NLK: variants seen among roughly 807,000 people sequenced by gnomAD.
The protein encoded by NLK is serine/threonine-protein kinase NLK.
Under a neutral mutation model 59.0 loss-of-function variants are expected in NLK, and 11 were observed. That is an observed-to-expected ratio of 0.19 (90% CI 0.12 to 0.31). The LOEUF (loss-of-function observed/expected upper bound fraction) is 0.31. NLK is among the 10% of genes least tolerant of loss of function. The probability of loss-of-function intolerance (pLI) is 1.00; values close to 1 mark genes in which losing one functional copy is unlikely to be tolerated. For synonymous variants in NLK, 235 were observed against 235.9 expected (o/e 1.00, Z 0.03); for missense variants, 410 against 661.1 (o/e 0.62, Z 4.16).
chr17:28,111,066 G>C (rs911811561), intron 1 of NLK, among the ~76,000 whole-genome samples: 1 of 152,058 alleles, frequency 6.6e-6, no homozygotes, highest in South Asian at 2.1e-4. Context: ...GGATGGTCTC[G>C]ATCTCCTGAC....
intron 4 of NLK, among the ~76,000 whole-genome samples, chr17:28,162,851 C>A (rs1321265718): frequency 6.6e-6 from 1 of 151,206 alleles, no homozygotes; most frequent in Non-Finnish European, 1.5e-5. Context: ...CCAGGAAGGT[C>A]GAGGCTTCAG....
At chr17:28,043,521 T>G (rs1320394736) in intron 1 of NLK, among the ~76,000 whole-genome samples, 190 bp downstream of exon 1, 1 of 152,204 alleles carries the variant, frequency 6.6e-6, no homozygotes, top group African/African-American at 2.4e-5. Context: ...CATGGCAAGT[T>G]TTGGTGGAGC....
Position 28,043,022 on chromosome 17 carries a change from A to G in NLK, c.149A>G (p.Gln50Arg). The G allele has an allele frequency of 6.4e-7, 1 of 1,556,176 alleles. No individual in the cohort carries two copies. Among genetic ancestry groups the G allele is most frequent in the Non-Finnish European group, 8.7e-7 (1 of 1,149,294 alleles). ...CACCTGCACCACCACCACCACCCTC[A>G]ACACCATCTTCATCCGGGGTCGGCT... is the stretch of plus-strand genomic sequence containing the variant. ...PPHLHHHHHP[Q>R]HHLHPGSAAA... The change falls in exon 1 of 11, where the codon CAA becomes CGA. Residue 50 changes from glutamine (Q) to arginine (R), a missense_variant. By Grantham distance (43) the Gln-to-Arg change is conservative. This residue lies in a region of NLK where 160 missense variants were observed against 171.0 expected (regional missense o/e 0.94). Transcript: ENST00000407008.
intron 1 of NLK, among the ~76,000 whole-genome samples, chr17:28,059,931 AAAAT>A (rs1228454906): frequency 6.7e-6 from 1 of 150,258 alleles, no homozygotes; most frequent in Admixed American, 6.6e-5. Flanking sequence ...AAATCATAAT[AAAAT>A]AACTAGGGAG....
intron 1 of NLK, chr17:28,048,027 CCTGCACCATAAAAAGGAAA>C (rs761679236): frequency 2.8e-5 from 11 of 398,116 alleles, no homozygotes; most frequent in African/African-American, 4.1e-5. Context: ...AGAAGCAGAG[CCTGCACCATAAAAAGGAAA>C]CGGTTGCTCT....
At chr17:28,111,943 G>GTGTGTGTGTA (rs1382860300) in intron 1 of NLK, among the ~76,000 whole-genome samples, 5 of 141,298 alleles carry the variant, frequency 3.5e-5, no homozygotes, top group Non-Finnish European at 7.8e-5. Context: ...GTGTGTGTGT[G>GTGTGTGTGTA]TGTATGTGTA....
intron 1 of NLK, among the ~76,000 whole-genome samples, chr17:28,121,881 A>G (rs570279715): frequency 1.3e-5 from 2 of 152,234 alleles, no homozygotes; most frequent in East Asian, 3.9e-4. Context: ...TTTCAAACAT[A>G]GGGAAATATA....
intron 1 of NLK, among the ~76,000 whole-genome samples, chr17:28,052,765 T>A (rs1909302323): frequency 6.6e-6 from 1 of 152,138 alleles, no homozygotes; most frequent in African/African-American, 2.4e-5. Context: ...TTTTTCATAC[T>A]GAGTCTGCAA....
At chr17:28,072,859 A>C (rs1259257509) in intron 1 of NLK, among the ~76,000 whole-genome samples, 1 of 152,082 alleles carries the variant, frequency 6.6e-6, no homozygotes, top group African/African-American at 2.4e-5. Context: ...TACATTAAAA[A>C]TATTTTATGT....
chr17:28,188,292 G>A (rs368846135), intron 8 of NLK, among the ~76,000 whole-genome samples: 4 of 152,164 alleles, frequency 2.6e-5, no homozygotes, highest in East Asian at 1.9e-4. Flanking sequence ...AAACAAAGCC[G>A]ACAAGTTTGT....
At chr17:28,121,534 G>C (rs1597693872) in intron 1 of NLK, among the ~76,000 whole-genome samples, 1 of 99,820 alleles carries the variant, frequency 1.0e-5, no homozygotes, top group East Asian at 3.1e-4. Flanking sequence ...ACAGAGTCTC[G>C]TTCTGTTGCC....
intron 1 of NLK, among the ~76,000 whole-genome samples, chr17:28,110,934 T>C (rs1476805071): frequency 2.0e-5 from 3 of 151,030 alleles, no homozygotes; most frequent in Non-Finnish European, 3.0e-5. Context: ...AAGCTCCGCC[T>C]CCCGGGTTCA....
At chr17:28,092,848 T>A (rs897087392) in intron 1 of NLK, among the ~76,000 whole-genome samples, 1 of 151,716 alleles carries the variant, frequency 6.6e-6, no homozygotes, top group Non-Finnish European at 1.5e-5. Context: ...CAGGCTGGAG[T>A]GCAGTGGCGC....
chr17:28,059,969 C>A (rs893828719), intron 1 of NLK, among the ~76,000 whole-genome samples: 5 of 152,010 alleles, frequency 3.3e-5, no homozygotes, highest in Non-Finnish European at 7.4e-5. Context: ...GTATTTGTTA[C>A]CTTTGTTTTA....
At chr17:28,142,739 C>T (rs1022234418) in intron 3 of NLK, among the ~76,000 whole-genome samples, 5 of 152,026 alleles carry the variant, frequency 3.3e-5, no homozygotes, top group Non-Finnish European at 4.4e-5. Context: ...AAAAAACGAG[C>T]AGGAGATTTT....
chr17:28,168,228 C>G (rs1249042296), intron 5 of NLK, among the ~76,000 whole-genome samples: 1 of 150,290 alleles, frequency 6.7e-6, no homozygotes. Flanking sequence ...CCCAGCTATT[C>G]GGGAGGCTGA....
At chr17:28,138,425 C>A (rs911460472) in intron 3 of NLK, among the ~76,000 whole-genome samples, 5 of 152,150 alleles carry the variant, frequency 3.3e-5, no homozygotes, top group Non-Finnish European at 7.3e-5. Flanking sequence ...GTGAAGTTCT[C>A]ACTCTCAGAA....
chr17:28,192,069 TC>T, intron 9 of NLK, 50 bp from the exon 10 acceptor site: 1 of 1,071,698 alleles, frequency 9.3e-7, no homozygotes, highest in Non-Finnish European at 1.4e-6. Context: ...AATTCACTGC[TC>T]CCGGGCTTGC....
At position 28,042,729 on chromosome 17, in the gene NLK, A is replaced by G; in HGVS notation, c.-145A>G. The G allele has an allele frequency of 2.8e-6, 2 of 720,808 alleles. No homozygotes were observed. The highest frequency in any genetic ancestry group is 4.3e-6 in the Non-Finnish European group (2 of 466,828). 44.7% of individuals were successfully genotyped at this position (720,808 alleles called of 1,614,324 possible). On this transcript the variant is annotated 5_prime_UTR_variant, in exon 1 of 11. Coordinates refer to ENST00000407008, the MANE Select transcript of NLK (RefSeq NM_016231.5). ...ACGCTCACCCCAAAATTAAACACCA[A>G]GATCCTCTAACTTGTTTGGATTGAC...
Sources: gnomAD v4.1 joint callset for allele counts (sites outside exome capture counted in the v4.1 genomes callset) on GRCh38, gnomAD v4.1.1 for gene constraint, gnomAD v4.1.1 regional missense constraint, MANE v1.5 for transcripts, NCBI Gene and HGNC (gene_info 2026-07-23, HGNC 2026-07-21) for gene names.